Variants in EYA4 observed in about 807,000 individuals in gnomAD.
EYA4 encodes the protein EYA transcriptional coactivator and phosphatase 4, also known as protein phosphatase EYA4.
In EYA4, 31 loss-of-function variants were observed where a neutral mutation model predicts 87.9. The observed-to-expected ratio is 0.35, with a 90% CI of 0.27 to 0.48. The LOEUF is 0.48. Ranked by LOEUF, EYA4 falls within the 20% of genes least tolerant of loss-of-function variation. The pLI, the probability that EYA4 is intolerant of heterozygous loss-of-function variation, is 0.99. For synonymous variants in EYA4, 263 were observed against 270.6 expected (o/e 0.97, Z 0.28); for missense variants, 678 against 761.4 (o/e 0.89, Z 1.29).
intron 11 of EYA4, among the ~76,000 whole-genome samples, chr6:133,473,465 A>G (rs1239580571): frequency 2.0e-5 from 3 of 152,114 alleles, no homozygotes; most frequent in African/African-American, 7.2e-5. Flanking sequence ...TTGGACATAA[A>G]GTAAAAATGA....
At chr6:133,346,651 G>A (rs1336529) in intron 2 of EYA4, among the ~76,000 whole-genome samples, 82,152 of 151,954 alleles carry the variant, frequency 0.54, 24,308 homozygotes, top group African/African-American at 0.79. Context: ...AGTCCTCCTC[G>A]TAATTTATTT....
chr6:133,403,866 A>G lies in EYA4; in HGVS notation c.83+21425A>G, dbSNP rs558570349. On this transcript the variant is annotated intron_variant, in intron 3 of 19. Coordinates refer to ENST00000355286, the MANE Select transcript of EYA4 (RefSeq NM_004100.5). Reference sequence around the variant, plus strand: ...GCCTTTGTTACCCAGGCTGGAGTGCAATGGCATGATTTTGGCTCACCACAA... The same window carrying G: ...GCCTTTGTTACCCAGGCTGGAGTGCGATGGCATGATTTTGGCTCACCACAA... Among the ~76,000 whole-genome samples, 230 of 152,154 alleles carry G rather than the reference A, an allele frequency of 1.5e-3. 3 individuals are homozygous for G. Among genetic ancestry groups the G allele is most frequent in the South Asian group, 7.0e-3 (34 of 4,828 alleles).
rs528213345 is a variant in EYA4, at chr6:133,480,856, A to G, written c.971-607A>G. ...CTAAGAAGTTTTATGTAAAAGAGAA[A>G]ATGGAAGCAAATAGTATCTAGATGG... On this transcript the variant is annotated intron_variant, in intron 11 of 19. Coordinates refer to ENST00000355286, the MANE Select transcript of EYA4 (RefSeq NM_004100.5). Among the ~76,000 whole-genome samples, 200 of 152,292 alleles carry G rather than the reference A, an allele frequency of 1.3e-3. 1 individual carries two copies. The highest frequency in any genetic ancestry group is 4.6e-3 in the African/African-American group (193 of 41,568).
At chr6:133,515,715 A>G (rs1348336745) in intron 17 of EYA4, among the ~76,000 whole-genome samples, 1 of 151,808 alleles carries the variant, frequency 6.6e-6, no homozygotes, top group African/African-American at 2.4e-5. Flanking sequence ...CTCACCACCC[A>G]TCTCTTCTCA....
chr6:133,405,227 A>G (rs1286407441), intron 3 of EYA4, among the ~76,000 whole-genome samples: 1 of 152,086 alleles, frequency 6.6e-6, no homozygotes, highest in African/African-American at 2.4e-5. Context: ...TCTTCCAAGG[A>G]TCTTAGCCAT....
chr6:133,334,518 G>A (rs376128345), intron 2 of EYA4, among the ~76,000 whole-genome samples: 1 of 152,160 alleles, frequency 6.6e-6, no homozygotes, highest in African/African-American at 2.4e-5. Flanking sequence ...TGATTAGCAG[G>A]CTCTACCTGA....
intron 18 of EYA4, 38 bp downstream of exon 18, chr6:133,523,215 C>T (rs1477568102): frequency 1.2e-6 from 2 of 1,601,320 alleles, no homozygotes; most frequent in Non-Finnish European, 1.7e-6. Context: ...GGAATGTGTC[C>T]ACATCTGTGT....
At chr6:133,385,900 T>C (rs1562359366) in intron 3 of EYA4, among the ~76,000 whole-genome samples, 1 of 152,212 alleles carries the variant, frequency 6.6e-6, no homozygotes, top group Admixed American at 6.5e-5. Context: ...ACTATCTTCT[T>C]TGAAATAGCA....
Position 133,530,754 on chromosome 6 carries a change from A to G in EYA4, c.*1949A>G. On this transcript the variant is annotated 3_prime_UTR_variant, in exon 20 of 20. Coordinates refer to ENST00000355286, the MANE Select transcript of EYA4 (RefSeq NM_004100.5). ...TGTGATTTCATTATCTAAACCTTAAACTTAATCCTTTAAATTTTGTAGCTT... is the reference window on the plus strand; with the variant it reads ...TGTGATTTCATTATCTAAACCTTAAGCTTAATCCTTTAAATTTTGTAGCTT... The G allele has an allele frequency of 1.0e-6, 1 of 986,570 alleles. No individual in the cohort carries two copies. The highest frequency in any genetic ancestry group is 1.2e-6 in the Non-Finnish European group (1 of 830,322). 61.1% of individuals were successfully genotyped at this position (986,570 alleles called of 1,614,324 possible).
chr6:133,454,194 A>G (rs1793711896), intron 5 of EYA4, among the ~76,000 whole-genome samples: 1 of 152,170 alleles, frequency 6.6e-6, no homozygotes, highest in African/African-American at 2.4e-5. Flanking sequence ...TACTTTTGCA[A>G]ATATTGTTCG....
chr6:133,355,655 A>G (rs988859679), intron 2 of EYA4, among the ~76,000 whole-genome samples: 20 of 152,180 alleles, frequency 1.3e-4, no homozygotes, highest in African/African-American at 4.6e-4. Context: ...ATTGCTATAT[A>G]AGTACCTTCT....
At chr6:133,421,951 C>G (rs1790258180) in intron 3 of EYA4, among the ~76,000 whole-genome samples, 1 of 151,992 alleles carries the variant, frequency 6.6e-6, no homozygotes, top group African/African-American at 2.4e-5. Context: ...CTACAAAACT[C>G]TTTTTTGTTT....
At chr6:133,402,502 G>T (rs560070305) in intron 3 of EYA4, among the ~76,000 whole-genome samples, 1 of 152,084 alleles carries the variant, frequency 6.6e-6, no homozygotes, top group Non-Finnish European at 1.5e-5. Context: ...AATTTCTAAA[G>T]TGAGAATCTA....
intron 3 of EYA4, among the ~76,000 whole-genome samples, chr6:133,442,003 A>G (rs1470437403): frequency 1.3e-5 from 2 of 151,980 alleles, no homozygotes; most frequent in African/African-American, 4.8e-5. Flanking sequence ...TATGGCAGAT[A>G]TGTATATATT....
At chr6:133,495,519 A>G (rs1445679510) in intron 13 of EYA4, among the ~76,000 whole-genome samples, 2 of 151,784 alleles carry the variant, frequency 1.3e-5, no homozygotes, top group African/African-American at 4.8e-5. Flanking sequence ...TGGACCAGGC[A>G]AGGACTCTTC....
At chr6:133,255,289 G>C (rs1775249867) in intron 1 of EYA4, among the ~76,000 whole-genome samples, 1 of 151,732 alleles carries the variant, frequency 6.6e-6, no homozygotes, top group South Asian at 2.1e-4. Flanking sequence ...GTCATACTTT[G>C]TATAACATAT....
chr6:133,327,370 G>A (rs1781580337), intron 2 of EYA4, among the ~76,000 whole-genome samples: 1 of 152,036 alleles, frequency 6.6e-6, no homozygotes, highest in African/African-American at 2.4e-5. Context: ...GTCTTCAAGT[G>A]ATCTGTCTGC....
intron 2 of EYA4, among the ~76,000 whole-genome samples, chr6:133,337,970 C>G (rs1782501767): frequency 6.6e-6 from 1 of 152,160 alleles, no homozygotes; most frequent in African/African-American, 2.4e-5. Context: ...TACCCAACAG[C>G]TGTAGTTAGC....
intron 3 of EYA4, among the ~76,000 whole-genome samples, chr6:133,396,809 T>C (rs73559688): frequency 3.1e-4 from 47 of 152,230 alleles, no homozygotes; most frequent in African/African-American, 1.1e-3. Flanking sequence ...AAGGGTTAAT[T>C]CTTTCTGCGC....
Sources: allele counts gnomAD v4.1 joint callset (sites outside exome capture counted in the v4.1 genomes callset), GRCh38; gene constraint gnomAD v4.1.1; transcripts MANE v1.5; gene names NCBI Gene and HGNC (gene_info 2026-07-23, HGNC 2026-07-21).